Variants in NRG3 observed in about 807,000 individuals in gnomAD.
The protein encoded by NRG3 is neuregulin 3.
NRG3 carries 31 observed loss-of-function variants against 66.9 expected under a neutral mutation model. The ratio of observed to expected loss-of-function variants is 0.46; its 90% CI spans 0.35 to 0.63. The LOEUF (loss-of-function observed/expected upper bound fraction) is 0.63, where lower values mean the gene tolerates loss of function less well. NRG3 is among the 20% of genes least tolerant of loss of function. NRG3 has a pLI of 0.00. For synonymous variants in NRG3, 393 were observed against 359.4 expected, an observed-to-expected ratio of 1.09 and a Z score of -1.06; for missense variants, 910 against 878.9, an observed-to-expected ratio of 1.04 and a Z score of -0.45.
chr10:82,068,759 A>G (rs2064636808), intron 1 of NRG3, among the ~76,000 whole-genome samples: 1 of 152,228 alleles, frequency 6.6e-6, no homozygotes, highest in Non-Finnish European at 1.5e-5. Flanking sequence ...AGGTCATTTA[A>G]GTGGCCAAGC....
chr10:82,717,390 CTTTTTTTTTTTTT>C (rs59189864), intron 2 of NRG3, among the ~76,000 whole-genome samples: 1 of 83,578 alleles, frequency 1.2e-5, no homozygotes, highest in Non-Finnish European at 2.2e-5. Flanking sequence ...ATTGGAAAAG[CTTTTTTTTTTTTT>C]TTTTTTTTTT....
chr10:82,584,596 A>G (rs2046554853), intron 2 of NRG3, among the ~76,000 whole-genome samples: 1 of 152,212 alleles, frequency 6.6e-6, no homozygotes, highest in Admixed American at 6.5e-5. Context: ...TTGGGAATGA[A>G]TATTTTTATT....
chr10:82,970,105 T>C (rs1851588028), intron 6 of NRG3, among the ~76,000 whole-genome samples: 1 of 152,202 alleles, frequency 6.6e-6, no homozygotes, highest in Admixed American at 6.5e-5. Context: ...GTGCTGCTGA[T>C]GTACCCTGGA....
At chr10:81,878,243 C>A in intron 1 of NRG3, 2 of 624,460 alleles carry the variant, frequency 3.2e-6, no homozygotes, top group Non-Finnish European at 5.4e-6. Context: ...TTCACATAGA[C>A]ATATAAGCAG....
chr10:82,690,167 T>G (rs2054812094), intron 2 of NRG3, among the ~76,000 whole-genome samples: 1 of 152,194 alleles, frequency 6.6e-6, no homozygotes, highest in South Asian at 2.1e-4. Flanking sequence ...CAGAAATCTT[T>G]AGCTTTGAAA....
intron 1 of NRG3, among the ~76,000 whole-genome samples, chr10:82,105,397 T>G (rs575286492): frequency 2.6e-5 from 4 of 152,304 alleles, no homozygotes; most frequent in African/African-American, 9.6e-5. Context: ...CTCTCTAACT[T>G]GAGTTTGAGT....
intron 6 of NRG3, among the ~76,000 whole-genome samples, chr10:82,971,530 G>A (rs765512364): frequency 3.2e-4 from 49 of 151,128 alleles, no homozygotes; most frequent in Non-Finnish European, 5.9e-4. Context: ...TCAATCTCCC[G>A]GGTTCAAGCT....
At chr10:82,073,592 T>G (rs1326803876) in intron 1 of NRG3, among the ~76,000 whole-genome samples, 1 of 152,180 alleles carries the variant, frequency 6.6e-6, no homozygotes, top group Non-Finnish European at 1.5e-5. Flanking sequence ...ATATAGGGAA[T>G]GTCTACCTCA....
chr10:82,433,162 T>G lies in NRG3; in HGVS notation c.953+74294T>G, dbSNP rs572309102. On this transcript the variant is annotated intron_variant, in intron 2 of 8. Coordinates refer to ENST00000372141, the MANE Select transcript of NRG3 (RefSeq NM_001010848.4). ...CATTTTAATAATCGCCATTTTTGAC[T>G]GGTGTGAGATGGTATCTCATTGTGG... Among the ~76,000 whole-genome samples, 17 of 152,316 alleles carry G rather than the reference T, an allele frequency of 1.1e-4. No homozygotes were observed. The South Asian group carries it at 2.7e-3, about 24-fold the overall frequency.
At chr10:82,327,886 T>C (rs1351924070) in intron 1 of NRG3, among the ~76,000 whole-genome samples, 1 of 152,184 alleles carries the variant, frequency 6.6e-6, no homozygotes, top group Non-Finnish European at 1.5e-5. Context: ...CAGCTGCTTC[T>C]CTCTGAGTCC....
At chr10:82,029,991 T>C (rs1419585314) in intron 1 of NRG3, among the ~76,000 whole-genome samples, 1 of 152,126 alleles carries the variant, frequency 6.6e-6, no homozygotes, top group Non-Finnish European at 1.5e-5. Context: ...AAATGTCCCC[T>C]TTGACAAAAC....
chr10:82,654,871 T>G (rs993893418), intron 2 of NRG3, among the ~76,000 whole-genome samples: 2 of 152,216 alleles, frequency 1.3e-5, no homozygotes, highest in Non-Finnish European at 2.9e-5. Flanking sequence ...AGTTTGCCTT[T>G]TGATATATTT....
chr10:82,703,706 G>A (rs1227105573), intron 2 of NRG3, among the ~76,000 whole-genome samples: 1 of 152,088 alleles, frequency 6.6e-6, no homozygotes, highest in Non-Finnish European at 1.5e-5. Flanking sequence ...CTGGGCTAAG[G>A]CATTTGGCCT....
chr10:82,428,049 A>G (rs1411164901), intron 2 of NRG3, among the ~76,000 whole-genome samples: 2 of 148,632 alleles, frequency 1.3e-5, no homozygotes, highest in African/African-American at 2.4e-5. Context: ...TGGAAGTGAT[A>G]TCTCCTCTTT....
At chr10:82,632,147 C>T (rs1401921636) in intron 2 of NRG3, among the ~76,000 whole-genome samples, 1 of 152,068 alleles carries the variant, frequency 6.6e-6, no homozygotes, top group Non-Finnish European at 1.5e-5. Flanking sequence ...CCCACATATC[C>T]TTTTCCCAGA....
intron 1 of NRG3, among the ~76,000 whole-genome samples, chr10:82,004,178 G>A (rs2061291035): frequency 6.6e-6 from 1 of 152,118 alleles, no homozygotes; most frequent in African/African-American, 2.4e-5. Flanking sequence ...GTAAAGGTAA[G>A]AATTTTATTT....
intron 4 of NRG3, among the ~76,000 whole-genome samples, chr10:82,873,218 A>G (rs1841503219): frequency 6.6e-6 from 1 of 152,206 alleles, no homozygotes. Flanking sequence ...TAACTGACAT[A>G]ATTAGAGCAG....
intron 4 of NRG3, among the ~76,000 whole-genome samples, chr10:82,870,526 G>A (rs1841244081): frequency 6.6e-6 from 1 of 152,136 alleles, no homozygotes. Context: ...TTCCAAGGTG[G>A]CTGTGCCATT....
intron 3 of NRG3, among the ~76,000 whole-genome samples, chr10:82,785,404 AAAGAC>A (rs1394972737): frequency 1.3e-5 from 2 of 151,888 alleles, no homozygotes; most frequent in East Asian, 1.9e-4. Flanking sequence ...GAAAAAAGAA[AAAGAC>A]AAGAACTGTA....
Sources: gnomAD v4.1 joint callset for allele counts (sites outside exome capture counted in the v4.1 genomes callset) on GRCh38, gnomAD v4.1.1 for gene constraint, MANE v1.5 for transcripts, NCBI Gene and HGNC (gene_info 2026-07-23, HGNC 2026-07-21) for gene names.